LRFN5: variants seen among roughly 807,000 people sequenced by gnomAD.
LRFN5 encodes the protein leucine-rich repeat and fibronectin type-III domain-containing protein 5.
Under a neutral mutation model 45.6 loss-of-function variants are expected in LRFN5, and 24 were observed. The ratio of observed to expected loss-of-function variants is 0.53; its 90% CI spans 0.38 to 0.74. The LOEUF is 0.74. LRFN5 is among the 30% of genes least tolerant of loss of function. LRFN5 has a pLI of 0.00. For synonymous variants in LRFN5, 340 were observed against 313.8 expected (o/e 1.08, Z -0.88); for missense variants, 776 against 861.5 (o/e 0.90, Z 1.24).
chr14:41,783,821 C>T lies in LRFN5; in HGVS notation c.-21+16792C>T, dbSNP rs143727097. 6.6e-5 allele frequency among the ~76,000 whole-genome samples: 10 copies of T among 151,936 alleles called. No individual in the cohort carries two copies. In the South Asian group the frequency reaches 8.3e-4, roughly 13 times the overall value. On this transcript the variant is annotated intron_variant, in intron 2 of 5. Coordinates refer to ENST00000298119, the MANE Select transcript of LRFN5 (RefSeq NM_152447.5). ...TATCATGTATTACTCTGAAGATTAG[C>T]GTTTTAGTTTCATAATGGTGATTTT...
intron 2 of LRFN5, among the ~76,000 whole-genome samples, chr14:41,873,572 G>A (rs1890094965): frequency 6.6e-6 from 1 of 152,066 alleles, no homozygotes; most frequent in African/African-American, 2.4e-5. Context: ...TATACCCTCA[G>A]TAAATTCATT....
chr14:41,773,073 A>G (rs560163812), intron 2 of LRFN5, among the ~76,000 whole-genome samples: 3 of 152,318 alleles, frequency 2.0e-5, no homozygotes, highest in African/African-American at 4.8e-5. Context: ...AGTAAAGACC[A>G]TTATTCTTAG....
At chr14:41,736,626 GA>G (rs1463446498) in intron 1 of LRFN5, among the ~76,000 whole-genome samples, 1 of 152,060 alleles carries the variant, frequency 6.6e-6, no homozygotes, top group Non-Finnish European at 1.5e-5. Flanking sequence ...AAGAAGAAAA[GA>G]GAGAAGAATC....
intron 1 of LRFN5, among the ~76,000 whole-genome samples, chr14:41,726,362 G>A (rs1883932901): frequency 6.6e-6 from 1 of 152,006 alleles, no homozygotes. Flanking sequence ...TAATTTGGTG[G>A]AACTTAATCT....
intron 1 of LRFN5, among the ~76,000 whole-genome samples, chr14:41,659,347 C>T (rs1880524360): frequency 6.6e-6 from 1 of 152,008 alleles, no homozygotes; most frequent in Non-Finnish European, 1.5e-5. Flanking sequence ...TGATGGTTTC[C>T]AGCTTCATCC....
intron 1 of LRFN5, among the ~76,000 whole-genome samples, chr14:41,615,893 T>C (rs903467010): frequency 6.6e-6 from 1 of 152,172 alleles, no homozygotes; most frequent in Non-Finnish European, 1.5e-5. Flanking sequence ...AAGCACATCA[T>C]GGTGAATGGG....
chr14:41,680,896 A>G (rs1216737252), intron 1 of LRFN5, among the ~76,000 whole-genome samples: 1 of 152,120 alleles, frequency 6.6e-6, no homozygotes, highest in African/African-American at 2.4e-5. Context: ...TTAGAATCAC[A>G]TCAGACAAAT....
intron 2 of LRFN5, among the ~76,000 whole-genome samples, chr14:41,823,132 T>C (rs80311989): frequency 1.9e-3 from 283 of 152,212 alleles, no homozygotes; most frequent in Middle Eastern, 0.01. Flanking sequence ...CCATTTGTGA[T>C]CAAGGTTAAT....
intron 2 of LRFN5, among the ~76,000 whole-genome samples, chr14:41,791,715 T>C (rs1205198634): frequency 6.6e-6 from 1 of 152,112 alleles, no homozygotes; most frequent in African/African-American, 2.4e-5. Context: ...GATGATACTA[T>C]GTTTCCATTA....
intron 1 of LRFN5, among the ~76,000 whole-genome samples, chr14:41,724,991 T>G (rs1300544841): frequency 6.6e-6 from 1 of 152,206 alleles, no homozygotes; most frequent in Non-Finnish European, 1.5e-5. Context: ...AGAGCTGAAT[T>G]GTTACATTTA....
intron 2 of LRFN5, among the ~76,000 whole-genome samples, chr14:41,779,489 A>G (rs1886408863): frequency 1.3e-5 from 2 of 151,964 alleles, no homozygotes; most frequent in East Asian, 1.9e-4. Flanking sequence ...CTCTTCACAT[A>G]GAATGAGTTA....
chr14:41,716,420 C>G (rs912512696), intron 1 of LRFN5, among the ~76,000 whole-genome samples: 3 of 152,172 alleles, frequency 2.0e-5, no homozygotes, highest in Non-Finnish European at 4.4e-5. Context: ...TAACAGCACA[C>G]AAGTCACCTC....
At chr14:41,771,067 T>TCAAACCAA (rs1886068408) in intron 2 of LRFN5, among the ~76,000 whole-genome samples, 1 of 151,868 alleles carries the variant, frequency 6.6e-6, no homozygotes, top group African/African-American at 2.4e-5. Context: ...TGGTTTGAGC[T>TCAAACCAA]GTACTTGGGC....
chr14:41,882,907 G>A (rs1275851085), intron 2 of LRFN5, among the ~76,000 whole-genome samples: 3 of 128,886 alleles, frequency 2.3e-5, no homozygotes, highest in Non-Finnish European at 3.1e-5. Flanking sequence ...GGAGTGTAAT[G>A]GCGCGATCTC....
chr14:41,839,146 TA>T (rs1379281722), intron 2 of LRFN5, among the ~76,000 whole-genome samples: 1 of 152,132 alleles, frequency 6.6e-6, no homozygotes, highest in East Asian at 1.9e-4. Flanking sequence ...GAATGTCATA[TA>T]TTTTTATAAT....
chr14:41,808,234 G>GGAAA, intron 2 of LRFN5, among the ~76,000 whole-genome samples: 1 of 111,598 alleles, frequency 9.0e-6, no homozygotes, highest in East Asian at 2.6e-4. Flanking sequence ...AAGGAAGGAA[G>GGAAA]GAATTGAGGG....
chr14:41,657,930 A>G (rs1260544723), intron 1 of LRFN5, among the ~76,000 whole-genome samples: 1 of 142,430 alleles, frequency 7.0e-6, no homozygotes, highest in African/African-American at 2.5e-5. Context: ...GGAGAAAAAG[A>G]AAAAAAAAAA....
At chr14:41,673,418 G>C (rs10134330) in intron 1 of LRFN5, among the ~76,000 whole-genome samples, 9 of 141,086 alleles carry the variant, frequency 6.4e-5, no homozygotes, top group South Asian at 2.2e-4. Context: ...CCTCACTGCC[G>C]GACCGGGCGG....
intron 2 of LRFN5, among the ~76,000 whole-genome samples, chr14:41,853,220 G>A (rs1889333713): frequency 6.6e-6 from 1 of 151,978 alleles, no homozygotes; most frequent in African/African-American, 2.4e-5. Context: ...ATGTGTGAGA[G>A]ATCAATGCAT....
Sources: gnomAD v4.1 joint callset for allele counts (sites outside exome capture counted in the v4.1 genomes callset) on GRCh38, gnomAD v4.1.1 for gene constraint, MANE v1.5 for transcripts, NCBI Gene and HGNC (gene_info 2026-07-23, HGNC 2026-07-21) for gene names.